GLYATL3: variants seen among roughly 807,000 people sequenced by gnomAD.
GLYATL3 encodes the protein glycine N-acyltransferase-like protein 3.
A neutral mutation model predicts 28.5 loss-of-function variants in GLYATL3; 31 were observed. The observed-to-expected ratio is 1.09, with a 90% CI of 0.82 to 1.47. The LOEUF (loss-of-function observed/expected upper bound fraction) is 1.47, where lower values mean the gene tolerates loss of function less well. GLYATL3 is among the 40% of genes most tolerant of loss of function. The pLI, the probability that GLYATL3 is intolerant of heterozygous loss-of-function variation, is 0.00. For synonymous variants in GLYATL3, 141 were observed against 140.2 expected, an observed-to-expected ratio of 1.01 and a Z score of -0.04; for missense variants, 369 against 351.5, an observed-to-expected ratio of 1.05 and a Z score of -0.40.
Position 49,527,263 on chromosome 6 carries a change from T to C in GLYATL3, c.*349T>C, listed in dbSNP as rs1769438794. ...AACAGAGGACCACGTGGCTACTGCT[T>C]TTTGATTGCTGCTTGGACCTCTGCT... On this transcript the variant is annotated 3_prime_UTR_variant, in exon 6 of 6. Transcript: ENST00000371197. Among the ~76,000 whole-genome samples, 1 of 152,156 alleles carries C rather than the reference T, an allele frequency of 6.6e-6. No homozygotes were observed. Among genetic ancestry groups the C allele is most frequent in the Admixed American group, 6.5e-5 (1 of 15,274 alleles).
At chr6:49,521,068 T>C (rs1159648352) in intron 4 of GLYATL3, among the ~76,000 whole-genome samples, 2 of 152,158 alleles carry the variant, frequency 1.3e-5, no homozygotes, top group East Asian at 1.9e-4. Context: ...ACTATGAACA[T>C]TGTCTAGTAC....
intron 3 of GLYATL3, 92 bp from the exon 4 acceptor site, chr6:49,517,337 TA>T: frequency 8.9e-7 from 1 of 1,121,770 alleles, no homozygotes; most frequent in South Asian, 2.2e-5. Context: ...AAAAATTAGC[TA>T]GACATGTCCA....
intron 1 of GLYATL3, among the ~76,000 whole-genome samples, chr6:49,506,179 A>C (rs1283466746): frequency 2.0e-5 from 3 of 152,202 alleles, no homozygotes. Context: ...CTGCATTCCT[A>C]AGTACAGAAA....
intron 1 of GLYATL3, among the ~76,000 whole-genome samples, chr6:49,504,294 T>G (rs530498414): frequency 6.6e-6 from 1 of 151,978 alleles, no homozygotes; most frequent in Non-Finnish European, 1.5e-5. Flanking sequence ...GTGGTGTTTT[T>G]TCAGCAAATT....
At position 49,508,606 on chromosome 6, in the gene GLYATL3, C is replaced by A. The variant is rs144137783; in HGVS notation, c.-28-3357C>A. Among the ~76,000 whole-genome samples, 1,096 of 152,244 alleles carry A rather than the reference C, an allele frequency of 7.2e-3. 16 individuals are homozygous for A. The highest frequency in any genetic ancestry group is 0.025 in the African/African-American group (1,034 of 41,538). On this transcript the variant is annotated intron_variant, in intron 1 of 5. Transcript: ENST00000371197. ...TCTCCACAACGGTCGCATTCCTTTC[C>A]CAGAGCTATGAATATCTGCTTTTCT... is the stretch of plus-strand genomic sequence containing the variant.
At chr6:49,507,679 A>G (rs1173927857) in intron 1 of GLYATL3, among the ~76,000 whole-genome samples, 1 of 152,150 alleles carries the variant, frequency 6.6e-6, no homozygotes, top group African/African-American at 2.4e-5. Flanking sequence ...CTTGGGCGCC[A>G]GATATTGAGG....
rs527330160 is a variant in GLYATL3 at position 49,527,652 on chromosome 6, T to G, written c.*738T>G. Among the ~76,000 whole-genome samples, 26 of 152,332 alleles carry G rather than the reference T, an allele frequency of 1.7e-4. No homozygotes were observed. The South Asian group carries it at 5.4e-3, about 32-fold the overall frequency. ...ATGAATGACAATATGGGCATTTTGA[T>G]GCTATAAACAAATGCTGTCACCATA... On this transcript the variant is annotated 3_prime_UTR_variant, in exon 6 of 6. Coordinates refer to ENST00000371197, the MANE Select transcript of GLYATL3 (RefSeq NM_001010904.2).
At chr6:49,503,989 A>T (rs1008859437) in intron 1 of GLYATL3, among the ~76,000 whole-genome samples, 1 of 152,204 alleles carries the variant, frequency 6.6e-6, no homozygotes, top group Non-Finnish European at 1.5e-5. Flanking sequence ...TATCATTAAC[A>T]TAGACCTCGA....
intron 1 of GLYATL3, among the ~76,000 whole-genome samples, chr6:49,506,129 A>G (rs763196128): frequency 2.6e-5 from 4 of 152,208 alleles, no homozygotes; most frequent in Admixed American, 6.5e-5. Flanking sequence ...TTGTCAGTAC[A>G]AAGTTGGACT....
rs111894833 is a variant in GLYATL3, at chr6:49,526,980, G to C, written c.*66G>C. On this transcript the variant is annotated 3_prime_UTR_variant, in exon 6 of 6. Transcript: ENST00000371197. The stretch of plus-strand genomic sequence containing the variant: ...CATACACACACTCTTGGCTGCCAAC[G>C]AGGGGAGAGTTAAAATGGGAATCAG... 0.021 allele frequency: 25,227 copies of C among 1,194,350 alleles called. 376 individuals carry two copies. Among genetic ancestry groups the C allele is most frequent in the Non-Finnish European group, 0.024 (21,338 of 875,422 alleles). The allele number at this position is 1,194,350 out of a possible 1,614,324, so 74.0% of individuals were successfully genotyped here. A position where few individuals can be genotyped will look rare whatever the true frequency, so the allele number is the denominator to read the frequency against.
chr6:49,512,068 G>T lies in GLYATL3; in HGVS notation c.78G>T (p.Lys26Asn). ...AGAGTTGCTTTCCTGAATCACTCAA[G>T]GTACCATAAAATTAATAATTTTATT... The part of the protein sequence containing the change: ...MLKSCFPESL[K>N]VYGAVMNINR... The change falls in exon 2 of 6, where the codon AAG becomes AAT. Residue 26 changes from lysine to asparagine, a missense_variant and splice_region_variant. By Grantham distance (94) the Lys-to-Asn change is moderately conservative (BLOSUM62 0). Coordinates refer to ENST00000371197, the MANE Select transcript of GLYATL3 (RefSeq NM_001010904.2). 8.6e-7 allele frequency: 1 copy of T among 1,168,482 alleles called. No homozygotes were observed. The highest frequency in any genetic ancestry group is 1.2e-6 in the Non-Finnish European group (1 of 810,172). The allele number at this position is 1,168,482 out of a possible 1,614,324, so 72.4% of individuals were successfully genotyped here. A position where few individuals can be genotyped will look rare whatever the true frequency, so the allele number is the denominator to read the frequency against.
In GLYATL3 at chr6:49,527,086, T is replaced by A. The variant is rs1485726212; in HGVS notation, c.*172T>A. 3.5e-6 allele frequency: 2 copies of A among 572,832 alleles called. No homozygotes were observed. The highest frequency in any genetic ancestry group is 4.5e-4 in the Middle Eastern group (1 of 2,244). The allele number at this position is 572,832 out of a possible 1,614,324, so 35.5% of individuals were successfully genotyped here. A position where few individuals can be genotyped will look rare whatever the true frequency, so the allele number is the denominator to read the frequency against. On this transcript the variant is annotated 3_prime_UTR_variant, in exon 6 of 6. Coordinates refer to ENST00000371197, the MANE Select transcript of GLYATL3 (RefSeq NM_001010904.2). ...AAGCCTTAATTTTTCGTATCTCAGG[T>A]TTCTCCAGTAAATAGCTGTGGGGGT...
intron 2 of GLYATL3, among the ~76,000 whole-genome samples, chr6:49,515,246 G>T (rs924669668): frequency 2.6e-5 from 4 of 152,102 alleles, no homozygotes; most frequent in African/African-American, 9.7e-5. Context: ...GGCTTGAAAA[G>T]AAGCTGAGCA....
rs1238902030 is a variant in GLYATL3, at chr6:49,526,970, G to A, written c.*56G>A. ...TTTCCCTGAGCATACACACACTCTTGGCTGCCAACGAGGGGAGAGTTAAAA... is the reference window on the plus strand; with the variant it reads ...TTTCCCTGAGCATACACACACTCTTAGCTGCCAACGAGGGGAGAGTTAAAA... On this transcript the variant is annotated 3_prime_UTR_variant, in exon 6 of 6. Transcript: ENST00000371197. 1 of 1,286,054 alleles carries A rather than the reference G, an allele frequency of 7.8e-7. No individual in the cohort carries two copies. The highest frequency in any genetic ancestry group is 1.5e-5 in the African/African-American group (1 of 66,694). The allele number at this position is 1,286,054 out of a possible 1,614,324, so 79.7% of individuals were successfully genotyped here.
At chr6:49,522,075 C>G (rs1380491506) in intron 5 of GLYATL3, among the ~76,000 whole-genome samples, 2 of 151,974 alleles carry the variant, frequency 1.3e-5, no homozygotes, top group Non-Finnish European at 2.9e-5. Flanking sequence ...TGTCCTTATC[C>G]CTCAAATAAT....
chr6:49,504,823 T>C (rs1264013079), intron 1 of GLYATL3, among the ~76,000 whole-genome samples: 2 of 152,202 alleles, frequency 1.3e-5, no homozygotes, highest in Non-Finnish European at 2.9e-5. Context: ...TGAAAACATA[T>C]GTTTTTTAAC....
At chr6:49,507,480 A>G (rs1021878021) in intron 1 of GLYATL3, among the ~76,000 whole-genome samples, 1 of 152,218 alleles carries the variant, frequency 6.6e-6, no homozygotes, top group African/African-American at 2.4e-5. Flanking sequence ...GAAGTTTAAT[A>G]AAAGACAGAT....
chr6:49,503,733 T>A (rs559086503), intron 1 of GLYATL3, among the ~76,000 whole-genome samples: 1 of 152,350 alleles, frequency 6.6e-6, no homozygotes, highest in East Asian at 1.9e-4. Context: ...GATGTGTGAA[T>A]ATAATCAGAG....
At chr6:49,502,715 A>T (rs565550835) in intron 1 of GLYATL3, among the ~76,000 whole-genome samples, 1 of 152,318 alleles carries the variant, frequency 6.6e-6, no homozygotes, top group African/African-American at 2.4e-5. Flanking sequence ...GATTGATGTA[A>T]TGCAACTCCA....
Sources: gnomAD v4.1 joint callset for allele counts (sites outside exome capture counted in the v4.1 genomes callset) on GRCh38, gnomAD v4.1.1 for gene constraint, MANE v1.5 for transcripts, NCBI Gene and HGNC (gene_info 2026-07-23, HGNC 2026-07-21) for gene names.